The following PATJ variants were observed in gnomAD, a reference collection of about 807,000 sequenced individuals.
The protein encoded by PATJ is inaD-like protein.
In PATJ, 190 loss-of-function variants were observed where a neutral mutation model predicts 224.9. The ratio of observed to expected loss-of-function variants is 0.84; its 90% CI spans 0.75 to 0.95. The LOEUF is 0.95. PATJ is among the 40% of genes least tolerant of loss of function. The pLI, the probability that PATJ is intolerant of heterozygous loss-of-function variation, is 0.00. For synonymous variants in PATJ, 769 were observed against 820.3 expected, an observed-to-expected ratio of 0.94 and a Z score of 1.07; for missense variants, 2,121 against 2,270.3, an observed-to-expected ratio of 0.93 and a Z score of 1.34.
chr1:61,874,906 G>A (rs1314633926), intron 20 of PATJ, among the ~76,000 whole-genome samples: 2 of 152,216 alleles, frequency 1.3e-5, no homozygotes, highest in African/African-American at 4.8e-5. Context: ...CACAATCCAG[G>A]AGGCTGTGTG....
At chr1:61,957,286 A>G (rs1326116111) in intron 27 of PATJ, among the ~76,000 whole-genome samples, 1 of 152,228 alleles carries the variant, frequency 6.6e-6, no homozygotes, top group Non-Finnish European at 1.5e-5. Flanking sequence ...CGTATTACTT[A>G]GAAGGTTCTT....
intron 27 of PATJ, among the ~76,000 whole-genome samples, chr1:61,975,036 T>C (rs1644054540): frequency 1.3e-5 from 2 of 152,036 alleles, no homozygotes; most frequent in African/African-American, 2.4e-5. Context: ...CCTTGACCTC[T>C]TGGGTTCAGG....
chr1:62,122,976 A>G, intron 38 of PATJ, 45 bp from the exon 39 acceptor site: 1 of 1,289,270 alleles, frequency 7.8e-7, no homozygotes, highest in Non-Finnish European at 1.1e-6. Context: ...TGCTAAATAT[A>G]TTATTTTTTA....
chr1:61,828,058 C>A (rs377184407), intron 16 of PATJ, among the ~76,000 whole-genome samples: 71 of 152,040 alleles, frequency 4.7e-4, no homozygotes, highest in African/African-American at 1.7e-3. Context: ...ACCAGCCTGA[C>A]CATCATGGAG....
chr1:61,903,638 AT>A (rs1671484586), intron 24 of PATJ, among the ~76,000 whole-genome samples: 1 of 151,640 alleles, frequency 6.6e-6, no homozygotes, highest in Non-Finnish European at 1.5e-5. Context: ...TATTTAGTGG[AT>A]TTGTTGTTGG....
chr1:61,791,231 TA>T, intron 8 of PATJ, 116 bp from the exon 9 acceptor site: 1 of 575,874 alleles, frequency 1.7e-6, no homozygotes, highest in Non-Finnish European at 3.1e-6. Flanking sequence ...GGGACCATCT[TA>T]AAATTCTGCC....
intron 9 of PATJ, among the ~76,000 whole-genome samples, chr1:61,794,817 A>G (rs545581593): frequency 7.9e-5 from 12 of 151,984 alleles, no homozygotes; most frequent in Non-Finnish European, 1.5e-4. Context: ...GTGAAACCCC[A>G]TCTCTACTAA....
chr1:62,052,773 G>T lies in PATJ; in HGVS notation c.4125+1715G>T, dbSNP rs572126143. Among the ~76,000 whole-genome samples the T allele has an allele frequency of 4.6e-5, 7 of 152,058 alleles. No individual in the cohort carries two copies. The South Asian group carries it at 1.5e-3, about 32-fold the overall frequency. On this transcript the variant is annotated intron_variant, in intron 31 of 43. Coordinates refer to ENST00000642238, the MANE Select transcript of PATJ (RefSeq NM_001350145.3). ...AAAAAAAAAAGAAAAAAGAATAATG[G>T]CAGTAAAAAATTATGATTTCCCTTT...
intron 14 of PATJ, among the ~76,000 whole-genome samples, chr1:61,820,196 C>T (rs898984335): frequency 6.6e-6 from 1 of 151,894 alleles, no homozygotes; most frequent in Admixed American, 6.6e-5. Flanking sequence ...TGTGCCCAAC[C>T]ATGCTCAGCT....
At position 61,858,646 on chromosome 1, in the gene PATJ, C is replaced by A. The variant is rs143920786; in HGVS notation, c.2322+2407C>A. Among the ~76,000 whole-genome samples the A allele has an allele frequency of 1.4e-3, 212 of 152,274 alleles. 1 individual carries two copies. Among genetic ancestry groups the A allele is most frequent in the African/African-American group, 4.9e-3 (204 of 41,552 alleles). Reference sequence around the variant, plus strand: ...AGACAGCACCAAGCCATGAGGGATCCACCCCTGTCACCCAAACATCTCCCA... The same window carrying A: ...AGACAGCACCAAGCCATGAGGGATCAACCCCTGTCACCCAAACATCTCCCA... On this transcript the variant is annotated intron_variant, in intron 18 of 43. Coordinates refer to ENST00000642238, the MANE Select transcript of PATJ (RefSeq NM_001350145.3).
At chr1:61,945,972 T>C (rs1455836095) in intron 27 of PATJ, among the ~76,000 whole-genome samples, 2 of 152,158 alleles carry the variant, frequency 1.3e-5, no homozygotes, top group Non-Finnish European at 2.9e-5. Flanking sequence ...GACTACTGGG[T>C]ACATAATGAA....
rs745643029 is a variant in PATJ, at chr1:62,117,200, G to A, written c.4872G>A (p.Thr1624=). The part of the protein sequence containing the change: ...LRAGSWTSAR[T]TSQNSQGSQQ... ...CTGGTTCCTGGACCTCCGCAAGGAC[G>A]ACATCACAGAACAGTCAGGTTGTCG... Residue 1624 remains threonine, a synonymous_variant, in exon 37 of 44, where the codon ACG becomes ACA. Transcript: ENST00000642238. 6.2e-6 allele frequency: 10 copies of A among 1,614,090 alleles called. No homozygotes were observed. Among genetic ancestry groups the A allele is most frequent in the East Asian group, 2.2e-5 (1 of 44,880 alleles).
At chr1:62,075,928 AAAAAG>A (rs1348370551) in intron 31 of PATJ, among the ~76,000 whole-genome samples, 2 of 151,918 alleles carry the variant, frequency 1.3e-5, no homozygotes, top group African/African-American at 2.4e-5. Context: ...AAAAAAAAAA[AAAAAG>A]AAAAGAAAAA....
At chr1:62,073,384 A>G in intron 31 of PATJ, 2 of 913,338 alleles carry the variant, frequency 2.2e-6, no homozygotes, top group Non-Finnish European at 2.6e-6. Flanking sequence ...CCACTTTGGG[A>G]GGCCAAGGCA....
In PATJ at chr1:62,161,037, T is replaced by G; in HGVS notation, c.5632T>G (p.Leu1878Val). Residue 1878 changes from leucine to valine, a missense_variant, in exon 44 of 44, where the codon TTA (leucine) becomes GTA (valine). By Grantham distance (32) the Leu-to-Val change is conservative. Transcript: ENST00000642238. ...ILKHQRGTVT[L>V]TVLS is the part of the protein sequence containing the mutation. Reference sequence around the variant, plus strand: ...AAAACACCAGAGAGGGACTGTAACCTTAACTGTGCTGTCATGAGCCTCGGG... The same window carrying G: ...AAAACACCAGAGAGGGACTGTAACCGTAACTGTGCTGTCATGAGCCTCGGG... 6.3e-7 allele frequency: 1 copy of G among 1,577,790 alleles called. No individual in the cohort carries two copies. Among genetic ancestry groups the G allele is most frequent in the East Asian group, 2.3e-5 (1 of 44,410 alleles).
chr1:62,162,392 G>A lies in PATJ; in HGVS notation c.*1338G>A, dbSNP rs1215783178. The stretch of plus-strand genomic sequence containing the variant: ...CCATAGTAGTCAGGCCAGCAGCATG[G>A]ACTGCAAGAACCTAAGGGAGCAACA... On this transcript the variant is annotated 3_prime_UTR_variant, in exon 44 of 44. Transcript: ENST00000642238. 6.6e-6 allele frequency: 1 copy of A among 152,188 alleles called. No homozygotes were observed. Among genetic ancestry groups the A allele is most frequent in the Non-Finnish European group, 1.5e-5 (1 of 68,064 alleles). The allele number at this position is 152,188 out of a possible 1,614,324, so 9.4% of individuals were successfully genotyped here. A position where few individuals can be genotyped will look rare whatever the true frequency, so the allele number is the denominator to read the frequency against.
chr1:61,840,699 A>G (rs1219854006), intron 17 of PATJ, among the ~76,000 whole-genome samples: 1 of 152,018 alleles, frequency 6.6e-6, no homozygotes, highest in Non-Finnish European at 1.5e-5. Flanking sequence ...CATTTTAAGT[A>G]AGGCTTTAGT....
chr1:61,851,511 G>A (rs1662800257), intron 17 of PATJ, among the ~76,000 whole-genome samples: 1 of 152,172 alleles, frequency 6.6e-6, no homozygotes, highest in African/African-American at 2.4e-5. Flanking sequence ...GGAGCAGGCA[G>A]TGATATGTAT....
rs149825131 is a variant in PATJ, at chr1:61,974,405, CTTTTTTTT to C, written c.3671-15745_3671-15738del. Among the ~76,000 whole-genome samples, 383 of 64,304 alleles carry C rather than the reference CTTTTTTTT, an allele frequency of 6.0e-3. 6 individuals carry two copies. Among genetic ancestry groups the C allele is most frequent in the Non-Finnish European group, 7.2e-3 (268 of 37,384 alleles). The allele number at this position is 64,304 out of a possible 152,430, so 42.2% of individuals were successfully genotyped here. A position where few individuals can be genotyped will look rare whatever the true frequency, so the allele number is the denominator to read the frequency against. The stretch of plus-strand genomic sequence containing the variant: ...TACCCCCATCTCTCTCTCTCTCTCT[CTTTTTTTT>C]TTTTTTTTTTTTTTTTTGAGATAGA... On this transcript the variant is annotated intron_variant, in intron 27 of 43. Transcript: ENST00000642238.
Sources: gnomAD v4.1 joint callset for allele counts (sites outside exome capture counted in the v4.1 genomes callset) on GRCh38, gnomAD v4.1.1 for gene constraint, MANE v1.5 for transcripts, NCBI Gene and HGNC (gene_info 2026-07-23, HGNC 2026-07-21) for gene names.